The following CHD8 variants were observed in gnomAD, a reference collection of about 807,000 sequenced individuals.
CHD8 encodes the protein chromodomain helicase DNA binding protein 8.
In CHD8, 31 loss-of-function variants were observed where a neutral mutation model predicts 279.2. The ratio of observed to expected loss-of-function variants is 0.11; its 90% CI spans 0.08 to 0.15. The LOEUF (loss-of-function observed/expected upper bound fraction) is 0.15, where lower values mean the gene tolerates loss of function less well. Among genes scored for constraint, CHD8 ranks in the 10% least tolerant of loss-of-function variants. The probability of loss-of-function intolerance (pLI) is 1.00; values close to 1 mark genes in which losing one functional copy is unlikely to be tolerated. For synonymous variants in CHD8, 1,081 were observed against 1,139.6 expected (o/e 0.95, Z 1.04); for missense variants, 2,146 against 3,230.5 (o/e 0.66, Z 8.14).
chr14:21,412,561 T>C (rs1379225139), intron 10 of CHD8, among the ~76,000 whole-genome samples: 1 of 152,166 alleles, frequency 6.6e-6, no homozygotes, highest in Non-Finnish European at 1.5e-5. Context: ...AGAAGTATTT[T>C]TATATTCACA....
intron 1 of CHD8, 36 bp from the exon 2 acceptor site, chr14:21,431,894 C>T: frequency 6.8e-7 from 1 of 1,462,238 alleles, no homozygotes; most frequent in Admixed American, 1.7e-5. Context: ...GAAAAATAGG[C>T]AAAGTTGGCG....
In CHD8 at chr14:21,408,565, C is replaced by T; in HGVS notation, c.2487-10G>A. On this transcript the variant is annotated splice_polypyrimidine_tract_variant and intron_variant, in intron 12 of 37. Coordinates refer to ENST00000646647, the MANE Select transcript of CHD8 (RefSeq NM_001170629.2). The surrounding 1 kb of genome is among the most constrained non-coding windows in gnomAD (Gnocchi z 4.3). ...CAGGATGCAGTTCTGCCTGCAGATT[C>T]ACCATGGGAAAAAAAAAATGTTAAA... The T allele has an allele frequency of 6.3e-7, 1 of 1,599,206 alleles. No individual in the cohort carries two copies. The highest frequency in any genetic ancestry group is 8.5e-7 in the Non-Finnish European group (1 of 1,173,982).
chr14:21,389,974 C>T (rs911394716), intron 37 of CHD8, among the ~76,000 whole-genome samples: 1 of 152,138 alleles, frequency 6.6e-6, no homozygotes, highest in Non-Finnish European at 1.5e-5. Context: ...GTGGCTGAAG[C>T]CTGTAATCCC....
intron 26 of CHD8, 145 bp from the exon 27 acceptor site, chr14:21,398,097 G>T: frequency 1.5e-6 from 1 of 679,682 alleles, no homozygotes; most frequent in Non-Finnish European, 2.3e-6. Flanking sequence ...ACAACTACTG[G>T]GTTTATTACT....
At chr14:21,397,096 TG>T (rs1297493543) in intron 27 of CHD8, 1 of 191,882 alleles carries the variant, frequency 5.2e-6, no homozygotes, top group Non-Finnish European at 1.1e-5. Flanking sequence ...TTATTTCATT[TG>T]TATGGTTCAC....
In CHD8 at chr14:21,405,952, T is replaced by C; in HGVS notation, c.2908-88A>G. On this transcript the variant is annotated intron_variant, in intron 14 of 37. Coordinates refer to ENST00000646647, the MANE Select transcript of CHD8 (RefSeq NM_001170629.2). The surrounding 1 kb of genome is among the most constrained non-coding windows in gnomAD (Gnocchi z 4.2). ...TCAAGTATATAATCTTTAACATATATAACCTTTAATTTCTTTATCTATAAA... is the reference window on the plus strand; with the variant it reads ...TCAAGTATATAATCTTTAACATATACAACCTTTAATTTCTTTATCTATAAA... The C allele has an allele frequency of 2.1e-6, 2 of 958,852 alleles. No homozygotes were observed. The highest frequency in any genetic ancestry group is 1.5e-6 in the Non-Finnish European group (1 of 669,396). The allele number at this position is 958,852 out of a possible 1,614,324, so 59.4% of individuals were successfully genotyped here.
chr14:21,439,820 T>C (rs2139560078), intron 1 of CHD8, among the ~76,000 whole-genome samples: 1 of 152,368 alleles, frequency 6.6e-6, no homozygotes, highest in Admixed American at 6.5e-5. Flanking sequence ...CAAATTACTA[T>C]TGTCGTATTT....
chr14:21,393,522 G>A lies in CHD8; in HGVS notation c.6273C>T (p.Ser2091=). The A allele has an allele frequency of 6.3e-7, 1 of 1,595,760 alleles. No homozygotes were observed. Among genetic ancestry groups the A allele is most frequent in the Non-Finnish European group, 8.5e-7 (1 of 1,170,854 alleles). ...CCTCACTCTCATCAGTGCTGGAGCT[G>A]GAGCTGGATGAGGATGAGGAAGAAG... ...SSSSSSSSSS[S]SSSTDESEDE... Residue 2091 remains serine, a synonymous_variant, in exon 32 of 38, where the codon TCC becomes TCT. Transcript: ENST00000646647.
intron 26 of CHD8, 197 bp downstream of exon 26, chr14:21,399,400 ACCTAT>A (rs1887935458): frequency 1.8e-6 from 1 of 540,826 alleles, no homozygotes; most frequent in Non-Finnish European, 3.3e-6. Flanking sequence ...CTTGAGATTT[ACCTAT>A]CCATCTGGCC....
At chr14:21,414,079 A>C in intron 9 of CHD8, 1 of 468,466 alleles carries the variant, frequency 2.1e-6, no homozygotes, top group Non-Finnish European at 3.8e-6. Context: ...GCATTGAGGA[A>C]ATCAGTTTCA....
intron 1 of CHD8, among the ~76,000 whole-genome samples, chr14:21,455,718 G>T (rs1460195557): frequency 6.6e-6 from 1 of 151,980 alleles, no homozygotes; most frequent in Non-Finnish European, 1.5e-5. Context: ...GGAGAACAAG[G>T]CGCCGCCTCC....
At chr14:21,453,196 C>T (rs766941945) in intron 1 of CHD8, among the ~76,000 whole-genome samples, 4 of 151,356 alleles carry the variant, frequency 2.6e-5, no homozygotes, top group Non-Finnish European at 5.9e-5. Context: ...CAAAGAAAGA[C>T]CACATCTTGA....
intron 37 of CHD8, among the ~76,000 whole-genome samples, chr14:21,390,735 G>A (rs1386114938): frequency 3.4e-5 from 5 of 147,558 alleles, no homozygotes; most frequent in African/African-American, 5.1e-5. Context: ...CCAAGATTGC[G>A]CCACTGCACG....
chr14:21,407,605 G>C (rs930085667), intron 13 of CHD8, among the ~76,000 whole-genome samples: 2 of 152,018 alleles, frequency 1.3e-5, no homozygotes, highest in African/African-American at 2.4e-5. Flanking sequence ...AAAAGGAACT[G>C]ATCCTTTTTT....
Position 21,428,954 on chromosome 14 carries a change from A to G in CHD8, c.1215+10T>C, listed in dbSNP as rs1566444323. 1 of 1,613,776 alleles carries G rather than the reference A, an allele frequency of 6.2e-7. No individual in the cohort carries two copies. The highest frequency in any genetic ancestry group is 8.5e-7 in the Non-Finnish European group (1 of 1,179,794). ...TTTTCTTTCTTTTCCTTACTATGTA[A>G]GTCTCTCACCTGTGGCTGCAGTACC... On this transcript the variant is annotated intron_variant, in intron 3 of 37. Coordinates refer to ENST00000646647, the MANE Select transcript of CHD8 (RefSeq NM_001170629.2).
chr14:21,401,603 G>A (rs1888040245), intron 20 of CHD8, 90 bp from the exon 21 acceptor site: 1 of 789,940 alleles, frequency 1.3e-6, no homozygotes, highest in Non-Finnish European at 2.0e-6. Flanking sequence ...TTTTTTTTTT[G>A]AGACACAGTC....
Position 21,405,573 on chromosome 14 carries a change from T to C in CHD8, c.3052-109A>G, listed in dbSNP as rs1888223243. On this transcript the variant is annotated intron_variant, in intron 15 of 37. Transcript: ENST00000646647. The surrounding 1 kb of genome is among the most constrained non-coding windows in gnomAD (Gnocchi z 4.2). ...AGTTTTCCACTATCTAAGAAATGTA[T>C]ACTTTGGATGATGCCACAAATGATG... 6.7e-7 allele frequency: 1 copy of C among 1,487,610 alleles called. No homozygotes were observed. The highest frequency in any genetic ancestry group is 1.4e-5 in the African/African-American group (1 of 71,234). The allele number at this position is 1,487,610 out of a possible 1,614,324, so 92.2% of individuals were successfully genotyped here.
chr14:21,422,645 T>C (rs1889097272), intron 5 of CHD8, among the ~76,000 whole-genome samples: 1 of 152,210 alleles, frequency 6.6e-6, no homozygotes, highest in Admixed American at 6.5e-5. Context: ...AAAAGAAATG[T>C]AGCCAAGTGC....
chr14:21,399,597 C>A lies in CHD8; in HGVS notation c.4921+5G>T. ...GAAAGGAGTAGAATAGGAGAAGATA[C>A]GTACCATGTTTAAAGACTCCAATGA... On this transcript the variant is annotated splice_donor_5th_base_variant and intron_variant, in intron 26 of 37. Coordinates refer to ENST00000646647, the MANE Select transcript of CHD8 (RefSeq NM_001170629.2). 2 of 1,600,844 alleles carry A rather than the reference C, an allele frequency of 1.2e-6. No homozygotes were observed. Among genetic ancestry groups the A allele is most frequent in the Admixed American group, 1.7e-5 (1 of 59,992 alleles).
Sources: allele counts gnomAD v4.1 joint callset (sites outside exome capture counted in the v4.1 genomes callset), GRCh38; gene constraint gnomAD v4.1.1; non-coding constraint Gnocchi (gnomAD v3.1); transcripts MANE v1.5; gene names NCBI Gene and HGNC (gene_info 2026-07-23, HGNC 2026-07-21).